The following EXOC6 variants were observed in gnomAD, a reference collection of about 807,000 sequenced individuals.
EXOC6 encodes SEC15-like 1.
In EXOC6, 60 loss-of-function variants were observed where a neutral mutation model predicts 112.5. The observed-to-expected ratio is 0.53, with a 90% CI of 0.43 to 0.66. The LOEUF is 0.66. Ranked by LOEUF, EXOC6 falls within the 30% of genes least tolerant of loss-of-function variation. The pLI is 0.00. For missense variants in EXOC6, 855 were observed against 957.1 expected, an observed-to-expected ratio of 0.89 and a Z score of 1.41; for synonymous variants, 295 against 308.0, an observed-to-expected ratio of 0.96 and a Z score of 0.44.
chr10:92,990,062 A>C (rs1333158379), intron 18 of EXOC6, among the ~76,000 whole-genome samples: 1 of 152,212 alleles, frequency 6.6e-6, no homozygotes, highest in Non-Finnish European at 1.5e-5. Context: ...GAGTTAAAAA[A>C]ACTTTGAGAC....
At chr10:92,941,951 C>T (rs185535030) in intron 13 of EXOC6, among the ~76,000 whole-genome samples, 2 of 152,228 alleles carry the variant, frequency 1.3e-5, no homozygotes, top group Admixed American at 6.5e-5. Flanking sequence ...TGAGGTTTTA[C>T]ATCTTGTTTA....
intron 1 of EXOC6, among the ~76,000 whole-genome samples, chr10:92,836,917 C>G (rs886390101): frequency 3.3e-5 from 5 of 152,124 alleles, no homozygotes; most frequent in Admixed American, 6.5e-5. Context: ...ATTATTCGCT[C>G]TTCTTTCTGC....
chr10:92,876,314 A>G (rs1429443742), intron 1 of EXOC6, among the ~76,000 whole-genome samples: 8 of 152,190 alleles, frequency 5.3e-5, no homozygotes, highest in Admixed American at 1.3e-4. Flanking sequence ...AACATTGCCA[A>G]TGTTTTAAAC....
chr10:92,954,549 A>G, intron 15 of EXOC6, 81 bp from the exon 16 acceptor site: 2 of 610,990 alleles, frequency 3.3e-6, no homozygotes, highest in South Asian at 5.2e-5. Flanking sequence ...TTATTTTAGT[A>G]AACTGTGTTA....
At chr10:92,846,583 T>A (rs1263502253), upstream of EXOC6, among the ~76,000 whole-genome samples, 1 of 152,106 alleles carries the variant, frequency 6.6e-6, no homozygotes, top group African/African-American at 2.4e-5. Flanking sequence ...ACAAAAAGAA[T>A]GAAAAGCTAG....
At chr10:93,004,852 C>T (rs887335317) in intron 19 of EXOC6, among the ~76,000 whole-genome samples, 1 of 152,158 alleles carries the variant, frequency 6.6e-6, no homozygotes, top group East Asian at 1.9e-4. Flanking sequence ...TGGACAAACC[C>T]TTCAACCATC....
At chr10:93,038,094 A>G (rs1845600239) in intron 20 of EXOC6, among the ~76,000 whole-genome samples, 1 of 144,008 alleles carries the variant, frequency 6.9e-6, no homozygotes, top group Admixed American at 7.0e-5. Context: ...TTTTTTGTTG[A>G]CTGGAAATTT....
chr10:92,979,758 A>G (rs1257285364), intron 18 of EXOC6, among the ~76,000 whole-genome samples: 1 of 151,780 alleles, frequency 6.6e-6, no homozygotes, highest in Non-Finnish European at 1.5e-5. Flanking sequence ...AGTGAACCTC[A>G]TCTCTACAAA....
chr10:92,901,772 TGGATCGCTTA>T (rs79373402), intron 5 of EXOC6: 3,226 of 148,106 alleles, frequency 0.022, 53 homozygotes, highest in African/African-American at 0.04. Flanking sequence ...CTAAGGCAGG[TGGATCGCTTA>T]AGCTCAAGAG....
At chr10:93,008,986 A>G (rs553392673) in intron 19 of EXOC6, among the ~76,000 whole-genome samples, 3 of 152,332 alleles carry the variant, frequency 2.0e-5, no homozygotes, top group African/African-American at 7.2e-5. Context: ...TCGAGAGGCC[A>G]GGGCAGGACG....
chr10:93,003,604 T>C (rs892881354), intron 19 of EXOC6, among the ~76,000 whole-genome samples: 5 of 152,146 alleles, frequency 3.3e-5, no homozygotes, highest in African/African-American at 7.2e-5. Context: ...TGCAAATGTT[T>C]AACGAGAACC....
At chr10:92,903,205 A>G (rs193121863) in intron 5 of EXOC6, among the ~76,000 whole-genome samples, 13 of 152,202 alleles carry the variant, frequency 8.5e-5, no homozygotes, top group Admixed American at 7.9e-4. Flanking sequence ...TTACGCTTCC[A>G]TTAGCAATGT....
intron 12 of EXOC6, among the ~76,000 whole-genome samples, chr10:92,939,829 CAGGT>C (rs1852556129): frequency 6.6e-6 from 1 of 152,026 alleles, no homozygotes; most frequent in Admixed American, 6.6e-5. Flanking sequence ...AAAGAGATGT[CAGGT>C]AGAGTGAGAT....
chr10:92,905,435 A>G (rs1445481938), intron 5 of EXOC6, among the ~76,000 whole-genome samples: 1 of 152,074 alleles, frequency 6.6e-6, no homozygotes, highest in Non-Finnish European at 1.5e-5. Context: ...TTCCATTTAT[A>G]TAGATTTTCT....
At chr10:92,941,569 A>G (rs1318951202) in intron 13 of EXOC6, among the ~76,000 whole-genome samples, 1 of 152,182 alleles carries the variant, frequency 6.6e-6, no homozygotes, top group Non-Finnish European at 1.5e-5. Context: ...TGTAGTTCTA[A>G]TATCTGTAAA....
chr10:92,940,558 C>T (rs369424135), intron 12 of EXOC6, among the ~76,000 whole-genome samples, 169 bp from the exon 13 acceptor site: 7 of 151,956 alleles, frequency 4.6e-5, no homozygotes, highest in Admixed American at 6.6e-5. Flanking sequence ...CTTTTTTTAC[C>T]GAATGCAATG....
chr10:92,827,181 A>G (rs1344867706), intron 1 of EXOC6, among the ~76,000 whole-genome samples: 2 of 151,932 alleles, frequency 1.3e-5, no homozygotes, highest in African/African-American at 4.8e-5. Flanking sequence ...TTTTTTTTTA[A>G]ATATTAAACT....
Position 92,863,791 on chromosome 10 carries a change from TGTAATCCCAGCTACTC to T in EXOC6, c.101+15159_101+15174del, listed in dbSNP as rs528247739. Among the ~76,000 whole-genome samples, 149 of 151,620 alleles carry T rather than the reference TGTAATCCCAGCTACTC, an allele frequency of 9.8e-4. No homozygotes were observed. In the Middle Eastern group the frequency reaches 0.01, roughly 10 times the overall value. On this transcript the variant is annotated intron_variant, in intron 1 of 21. Coordinates refer to ENST00000260762, the MANE Select transcript of EXOC6 (RefSeq NM_019053.6). ...TTAGCTGGGCGTGGTGGTGGGCACC[TGTAATCCCAGCTACTC>T]GAGAGGCTGAGACAGGAGAATGGCG...
chr10:92,831,663 G>T (rs1046723133), upstream of EXOC6, among the ~76,000 whole-genome samples: 21 of 152,072 alleles, frequency 1.4e-4, no homozygotes, highest in Non-Finnish European at 2.4e-4. Context: ...TTCAACTCCT[G>T]ACCTCAGGTG....
Sources: allele counts gnomAD v4.1 joint callset (sites outside exome capture counted in the v4.1 genomes callset), GRCh38; gene constraint gnomAD v4.1.1; transcripts MANE v1.5; gene names NCBI Gene and HGNC (gene_info 2026-07-23, HGNC 2026-07-21).